Variants in SLC8A1 observed in about 807,000 individuals in gnomAD.
SLC8A1 encodes sodium/calcium exchanger 1.
Under a neutral mutation model 68.3 loss-of-function variants are expected in SLC8A1, and 18 were observed. The ratio of observed to expected loss-of-function variants is 0.26; its 90% CI spans 0.18 to 0.39. The LOEUF (loss-of-function observed/expected upper bound fraction) is 0.39. Among genes scored for constraint, SLC8A1 ranks in the 10% least tolerant of loss-of-function variants. The pLI, the probability that SLC8A1 is intolerant of heterozygous loss-of-function variation, is 1.00. For synonymous variants in SLC8A1, 475 were observed against 415.5 expected (o/e 1.14, Z -1.74); for missense variants, 985 against 1,156.7 (o/e 0.85, Z 2.15).
intron 2 of SLC8A1, among the ~76,000 whole-genome samples, chr2:40,281,514 CTG>C (rs1243708327): frequency 6.6e-6 from 1 of 152,170 alleles, no homozygotes; most frequent in African/African-American, 2.4e-5. Context: ...GGCTTGTGAG[CTG>C]TCTCAGGACT....
chr2:40,376,061 A>G (rs941474764), intron 2 of SLC8A1, among the ~76,000 whole-genome samples: 1 of 152,136 alleles, frequency 6.6e-6, no homozygotes, highest in Non-Finnish European at 1.5e-5. Context: ...TCAACAGTAT[A>G]TTTAGAATGC....
chr2:40,255,003 TTTC>T (rs2063655728), intron 2 of SLC8A1: 1 of 151,066 alleles, frequency 6.6e-6, no homozygotes, highest in Non-Finnish European at 1.5e-5. Flanking sequence ...TATTTCTCTA[TTTC>T]TTCATTTCTT....
chr2:40,147,995 C>G (rs2042761006), intron 6 of SLC8A1, among the ~76,000 whole-genome samples: 1 of 152,168 alleles, frequency 6.6e-6, no homozygotes, highest in Non-Finnish European at 1.5e-5. Flanking sequence ...AGATCTAAAA[C>G]TCTGTCACCT....
intron 2 of SLC8A1, among the ~76,000 whole-genome samples, chr2:40,242,436 C>T (rs1025165008): frequency 4.6e-5 from 7 of 152,156 alleles, no homozygotes; most frequent in Non-Finnish European, 1.0e-4. Flanking sequence ...GCCATGCTGC[C>T]TGTGTTTATG....
chr2:40,251,481 G>C (rs1334670362), intron 2 of SLC8A1: 3 of 152,204 alleles, frequency 2.0e-5, no homozygotes, highest in Admixed American at 2.0e-4. Context: ...AGGGCCATCT[G>C]TGACCCTGAG....
intron 2 of SLC8A1, among the ~76,000 whole-genome samples, chr2:40,196,548 C>A (rs531659350): frequency 6.6e-6 from 1 of 151,960 alleles, no homozygotes; most frequent in South Asian, 2.1e-4. Context: ...CCTCTGCATG[C>A]GTAGATGAAA....
At chr2:40,225,950 T>C (rs918773617) in intron 2 of SLC8A1, among the ~76,000 whole-genome samples, 1 of 152,202 alleles carries the variant, frequency 6.6e-6, no homozygotes, top group African/African-American at 2.4e-5. Context: ...CTGATGCTTT[T>C]ACATAATTGG....
At chr2:40,241,715 C>G (rs1374284934) in intron 2 of SLC8A1, among the ~76,000 whole-genome samples, 3 of 152,126 alleles carry the variant, frequency 2.0e-5, no homozygotes, top group Non-Finnish European at 4.4e-5. Context: ...GGGACAGACA[C>G]CCATACTGAA....
chr2:40,260,741 G>T (rs535874703), intron 2 of SLC8A1, among the ~76,000 whole-genome samples: 19 of 142,470 alleles, frequency 1.3e-4, no homozygotes, highest in East Asian at 4.1e-4. Flanking sequence ...TGTGTATGTG[G>T]TTTTTTTTTT....
At chr2:40,391,206 G>A (rs1437758689) in intron 2 of SLC8A1, among the ~76,000 whole-genome samples, 3 of 31,508 alleles carry the variant, frequency 9.5e-5, no homozygotes, top group Non-Finnish European at 1.8e-4. Flanking sequence ...ACACACATAT[G>A]TCTGTGTGTA....
intron 1 of SLC8A1, among the ~76,000 whole-genome samples, chr2:40,462,589 G>A (rs1703414177): frequency 1.3e-5 from 2 of 151,476 alleles, no homozygotes; most frequent in African/African-American, 2.4e-5. Context: ...TGGGAGGATC[G>A]CTTAGCCCAG....
intron 2 of SLC8A1, among the ~76,000 whole-genome samples, chr2:40,315,227 T>C (rs2074275311): frequency 6.6e-6 from 1 of 151,982 alleles, no homozygotes; most frequent in African/African-American, 2.4e-5. Flanking sequence ...GTTGATTGCC[T>C]TTTCAATATC....
chr2:40,281,080 G>A (rs879836093), intron 2 of SLC8A1, among the ~76,000 whole-genome samples: 1 of 152,126 alleles, frequency 6.6e-6, no homozygotes, highest in Non-Finnish European at 1.5e-5. Context: ...TTGATGGAAT[G>A]AGCCAATGAA....
chr2:40,387,314 G>T (rs1381578105), intron 2 of SLC8A1, among the ~76,000 whole-genome samples: 4 of 151,376 alleles, frequency 2.6e-5, no homozygotes, highest in African/African-American at 9.8e-5. Flanking sequence ...CCATTACTGT[G>T]GCATGTAGAA....
chr2:40,382,816 G>C (rs951771961), intron 2 of SLC8A1, among the ~76,000 whole-genome samples: 1 of 152,028 alleles, frequency 6.6e-6, no homozygotes, highest in African/African-American at 2.4e-5. Context: ...AAAATAGAAT[G>C]TCTATTTTAA....
At chr2:40,421,857 A>C (rs1695592491) in intron 2 of SLC8A1, among the ~76,000 whole-genome samples, 2 of 152,204 alleles carry the variant, frequency 1.3e-5, no homozygotes, top group Admixed American at 1.3e-4. Flanking sequence ...GGCTTGGCTC[A>C]ACCTTTGGCA....
chr2:40,313,195 G>A (rs2073972842), intron 2 of SLC8A1, among the ~76,000 whole-genome samples: 1 of 151,980 alleles, frequency 6.6e-6, no homozygotes, highest in African/African-American at 2.4e-5. Context: ...TATGTACTTT[G>A]GGGAGGGGAA....
chr2:40,306,452 TG>T (rs35155626), intron 2 of SLC8A1, among the ~76,000 whole-genome samples: 2,205 of 145,574 alleles, frequency 0.015, 39 homozygotes, highest in African/African-American at 0.05. Flanking sequence ...GGAATGGTTG[TG>T]GGGGGGGGCA....
At chr2:40,314,041 T>C (rs977659334) in intron 2 of SLC8A1, among the ~76,000 whole-genome samples, 4 of 152,114 alleles carry the variant, frequency 2.6e-5, no homozygotes, top group Non-Finnish European at 4.4e-5. Context: ...TTTTTAAAAA[T>C]AGATAATGTT....
Sources: allele counts gnomAD v4.1 joint callset (sites outside exome capture counted in the v4.1 genomes callset), GRCh38; gene constraint gnomAD v4.1.1; transcripts MANE v1.5; gene names NCBI Gene and HGNC (gene_info 2026-07-23, HGNC 2026-07-21).